The following CDC42BPB variants were observed in gnomAD, a reference collection of about 807,000 sequenced individuals.
CDC42BPB encodes the protein CDC42 binding protein kinase beta, also known as serine/threonine-protein kinase MRCK beta.
CDC42BPB carries 37 observed loss-of-function variants against 214.9 expected under a neutral mutation model. The ratio of observed to expected loss-of-function variants is 0.17; its 90% CI spans 0.13 to 0.23. The LOEUF is 0.23. Ranked by LOEUF, CDC42BPB falls within the 10% of genes least tolerant of loss-of-function variation. The pLI, the probability that CDC42BPB is intolerant of heterozygous loss-of-function variation, is 1.00. For synonymous variants in CDC42BPB, 931 were observed against 884.0 expected, an observed-to-expected ratio of 1.05 and a Z score of -0.94; for missense variants, 1,694 against 2,227.0, an observed-to-expected ratio of 0.76 and a Z score of 4.82.
At chr14:102,984,527 C>T (rs537798406) in intron 6 of CDC42BPB, among the ~76,000 whole-genome samples, 26 of 152,264 alleles carry the variant, frequency 1.7e-4, no homozygotes, top group African/African-American at 5.3e-4. Context: ...AGGGAGAAAA[C>T]AGCTCCCCTG....
At chr14:103,030,187 G>A (rs1281865806) in intron 1 of CDC42BPB, among the ~76,000 whole-genome samples, 7 of 152,350 alleles carry the variant, frequency 4.6e-5, no homozygotes, top group South Asian at 2.1e-4. Context: ...ACCAGTAGTC[G>A]CCCATCTCCA....
intron 12 of CDC42BPB, 109 bp from the exon 13 acceptor site, chr14:102,972,270 G>A (rs1269561479): frequency 6.5e-7 from 1 of 1,538,442 alleles, no homozygotes; most frequent in Admixed American, 2.0e-5. Flanking sequence ...GCCAATGCTG[G>A]TTACAGATTA....
chr14:102,985,676 G>A (rs556793793), intron 6 of CDC42BPB, among the ~76,000 whole-genome samples: 2 of 152,372 alleles, frequency 1.3e-5, no homozygotes, highest in South Asian at 2.1e-4. Context: ...TTGAAAATCC[G>A]CCAGTAGGCA....
rs989142669 is a variant in CDC42BPB at position 102,933,168 on chromosome 14, C to G, written c.*544G>C. 3 of 152,490 alleles carry G rather than the reference C, an allele frequency of 2.0e-5. No homozygotes were observed. The highest frequency in any genetic ancestry group is 4.4e-5 in the Non-Finnish European group (3 of 68,124). The allele number at this position is 152,490 out of a possible 1,614,324, so 9.4% of individuals were successfully genotyped here. A position where few individuals can be genotyped will look rare whatever the true frequency, so the allele number is the denominator to read the frequency against. On this transcript the variant is annotated 3_prime_UTR_variant, in exon 37 of 37. Transcript: ENST00000361246. The stretch of plus-strand genomic sequence containing the variant: ...GGGCCTTTGTCCATGACTAGGTGGT[C>G]AGCAGGACTTCTGCAGCTGACTGTG...
At chr14:102,977,242 G>T (rs897879915) in intron 9 of CDC42BPB, among the ~76,000 whole-genome samples, 2 of 151,784 alleles carry the variant, frequency 1.3e-5, no homozygotes, top group African/African-American at 4.8e-5. Flanking sequence ...AGGAGGCTGC[G>T]GCAGGGGAAT....
chr14:103,050,758 G>A (rs1321735195), intron 1 of CDC42BPB, among the ~76,000 whole-genome samples: 4 of 149,032 alleles, frequency 2.7e-5, no homozygotes, highest in Non-Finnish European at 5.9e-5. Flanking sequence ...CCCTGTCTTG[G>A]GGGGAAAAAA....
chr14:102,983,995 A>G (rs1367118428), intron 6 of CDC42BPB: 1 of 482,324 alleles, frequency 2.1e-6, no homozygotes. Context: ...CTCAAGGCCA[A>G]CACGGGCAAC....
chr14:102,933,157 G>A lies in CDC42BPB; in HGVS notation c.*555C>T, dbSNP rs1055686186. On this transcript the variant is annotated 3_prime_UTR_variant, in exon 37 of 37. Coordinates refer to ENST00000361246, the MANE Select transcript of CDC42BPB (RefSeq NM_006035.4). ...TCACTGGTCCTGGGCCTTTGTCCAT[G>A]ACTAGGTGGTCAGCAGGACTTCTGC... 10 of 152,518 alleles carry A rather than the reference G, an allele frequency of 6.6e-5. No homozygotes were observed. The highest frequency in any genetic ancestry group is 1.9e-4 in the African/African-American group (8 of 41,452). 9.4% of individuals were successfully genotyped at this position (152,518 alleles called of 1,614,324 possible). A position where few individuals can be genotyped will look rare whatever the true frequency, so the allele number is the denominator to read the frequency against.
chr14:102,952,950 G>A (rs1353834249), intron 23 of CDC42BPB, among the ~76,000 whole-genome samples: 2 of 152,256 alleles, frequency 1.3e-5, no homozygotes, highest in Non-Finnish European at 1.5e-5. Context: ...GGCTCTTGGG[G>A]GCCGACCTGG....
chr14:102,989,984 G>T (rs914099243), intron 5 of CDC42BPB, among the ~76,000 whole-genome samples: 2 of 152,066 alleles, frequency 1.3e-5, no homozygotes, highest in Non-Finnish European at 2.9e-5. Flanking sequence ...ACAAGAAAAC[G>T]CCTGCATGGA....
Position 102,952,574 on chromosome 14 carries a change from G to C in CDC42BPB, c.3096C>G (p.Ser1032=). The C allele has an allele frequency of 6.2e-7, 1 of 1,614,024 alleles. No homozygotes were observed. Among genetic ancestry groups the C allele is most frequent in the Admixed American group, 1.7e-5 (1 of 60,018 alleles). The change falls in exon 24 of 37, where the codon TCC becomes TCG. Residue 1032 remains serine (S), a synonymous_variant. Coordinates refer to ENST00000361246, the MANE Select transcript of CDC42BPB (RefSeq NM_006035.4). Reference sequence around the variant, plus strand: ...GGCTGCACTGAGTAGGGCTGGAGAAGGACTTGATGCTGAACTGGTGAGCTT... The same window carrying C: ...GGCTGCACTGAGTAGGGCTGGAGAACGACTTGATGCTGAACTGGTGAGCTT... ...KPKAHQFSIK[S]FSSPTQCSHC... is the part of the protein sequence containing the mutation.
At chr14:103,040,333 C>T (rs557200585) in intron 1 of CDC42BPB, among the ~76,000 whole-genome samples, 45 of 151,304 alleles carry the variant, frequency 3.0e-4, no homozygotes, top group South Asian at 6.3e-4. Flanking sequence ...CTAGCCTGGG[C>T]GACAGAGCAA....
chr14:102,983,551 C>G lies in CDC42BPB; in HGVS notation c.891+5G>C. The G allele has an allele frequency of 6.3e-7, 1 of 1,595,662 alleles. No individual in the cohort carries two copies. Among genetic ancestry groups the G allele is most frequent in the Non-Finnish European group, 8.5e-7 (1 of 1,177,762 alleles). ...CAAAAAAAAAAAAAAAATGCAACGT[C>G]TTACTTCATGGTTCATGATCTTCCC... On this transcript the variant is annotated splice_donor_5th_base_variant and intron_variant, in intron 7 of 36. Coordinates refer to ENST00000361246, the MANE Select transcript of CDC42BPB (RefSeq NM_006035.4).
intron 1 of CDC42BPB, among the ~76,000 whole-genome samples, chr14:103,047,674 C>T (rs1004660995): frequency 3.3e-5 from 5 of 152,082 alleles, no homozygotes; most frequent in South Asian, 2.1e-4. Context: ...GAGGCCGAAG[C>T]GGGCAGATTC....
chr14:103,003,211 C>G (rs1056927504), intron 4 of CDC42BPB, among the ~76,000 whole-genome samples: 1 of 152,202 alleles, frequency 6.6e-6, no homozygotes, highest in Non-Finnish European at 1.5e-5. Flanking sequence ...AGAGCTCCAG[C>G]AGTGGACACT....
chr14:102,934,320 GT>G lies in CDC42BPB; in HGVS notation c.5005-478del, dbSNP rs536885687. On this transcript the variant is annotated intron_variant, in intron 36 of 36. Coordinates refer to ENST00000361246, the MANE Select transcript of CDC42BPB (RefSeq NM_006035.4). ...GAGGCCAAGGCAGGCGGATCACAAA[GT>G]CAGGAGATTGGGACCATCCTGGCTA... Among the ~76,000 whole-genome samples, 6 of 152,226 alleles carry G rather than the reference GT, an allele frequency of 3.9e-5. No individual in the cohort carries two copies. In the South Asian group the frequency reaches 1.2e-3, roughly 32 times the overall value.
At chr14:102,966,979 G>C in intron 17 of CDC42BPB, 67 bp downstream of exon 17, 1 of 1,558,172 alleles carries the variant, frequency 6.4e-7, no homozygotes, top group Non-Finnish European at 8.7e-7. Context: ...AGGCAGAAGA[G>C]GCGGGGCAGA....
intron 1 of CDC42BPB, among the ~76,000 whole-genome samples, chr14:103,048,818 G>A (rs955627793): frequency 6.6e-6 from 1 of 151,692 alleles, no homozygotes; most frequent in Non-Finnish European, 1.5e-5. Flanking sequence ...AGGCTGCAGT[G>A]AGCCAAGATC....
intron 16 of CDC42BPB, 60 bp downstream of exon 16, chr14:102,968,193 T>A (rs2093414): frequency 0.96 from 1,211,570 of 1,262,996 alleles, 583,088 homozygotes; most frequent in Middle Eastern, 0.99. Flanking sequence ...TTAAAAATAA[T>A]TTTTTTTTAA....
Sources: allele counts gnomAD v4.1 joint callset (sites outside exome capture counted in the v4.1 genomes callset), GRCh38; gene constraint gnomAD v4.1.1; transcripts MANE v1.5; gene names NCBI Gene and HGNC (gene_info 2026-07-23, HGNC 2026-07-21).